Variants in RAB31 observed in about 807,000 individuals in gnomAD.
The protein encoded by RAB31 is ras-related protein Rab-31.
RAB31 carries 21 observed loss-of-function variants against 25.6 expected under a neutral mutation model. That is an observed-to-expected ratio of 0.82 (90% CI 0.58 to 1.18). RAB31 has a LOEUF of 1.18. Ranked by LOEUF, RAB31 falls within the 50% of genes most tolerant of loss-of-function variation. The pLI is 0.00. For missense variants in RAB31, 196 were observed against 250.1 expected (o/e 0.78, Z 1.46); for synonymous variants, 87 against 84.0 (o/e 1.04, Z -0.20).
At chr18:9,726,239 T>C (rs2068095598) in intron 1 of RAB31, 1 of 152,210 alleles carries the variant, frequency 6.6e-6, no homozygotes. Context: ...TGTCAGTTTG[T>C]GAAATGTGAT....
At chr18:9,778,386 A>G (rs901514279) in intron 2 of RAB31, among the ~76,000 whole-genome samples, 4 of 152,178 alleles carry the variant, frequency 2.6e-5, no homozygotes, top group African/African-American at 9.7e-5. Flanking sequence ...TAAAAAACTT[A>G]TGTATTACAA....
intron 1 of RAB31, among the ~76,000 whole-genome samples, chr18:9,764,369 A>C (rs1480398272): frequency 6.6e-6 from 1 of 152,186 alleles, no homozygotes; most frequent in Non-Finnish European, 1.5e-5. Flanking sequence ...TCGTGCATGC[A>C]TTTGTGCGTG....
In RAB31 at chr18:9,777,213, C is replaced by T. The variant is rs973309673; in HGVS notation, c.119+1856C>T. 1.2e-4 allele frequency among the ~76,000 whole-genome samples: 18 copies of T among 152,056 alleles called. No individual in the cohort carries two copies. In the East Asian group the frequency reaches 1.9e-3, roughly 16 times the overall value. ...AAAATTAACCAGATGTGGTGGCACG[C>T]GCCTATAGTCCCAGCTACTCGGAAG... On this transcript the variant is annotated intron_variant, in intron 2 of 6. Coordinates refer to ENST00000578921, the MANE Select transcript of RAB31 (RefSeq NM_006868.4).
At chr18:9,772,617 G>A (rs2068351057) in intron 1 of RAB31, among the ~76,000 whole-genome samples, 1 of 152,226 alleles carries the variant, frequency 6.6e-6, no homozygotes, top group African/African-American at 2.4e-5. Context: ...ACGATTGAAT[G>A]GAATAGCCCT....
chr18:9,802,739 G>T (rs1446194598), intron 3 of RAB31, among the ~76,000 whole-genome samples: 3 of 152,258 alleles, frequency 2.0e-5, no homozygotes, highest in Admixed American at 2.0e-4. Flanking sequence ...AGAGGGCTGG[G>T]ATGCACTGGC....
intron 1 of RAB31, among the ~76,000 whole-genome samples, chr18:9,737,101 A>G (rs930937642): frequency 5.3e-5 from 8 of 152,162 alleles, no homozygotes; most frequent in Admixed American, 5.2e-4. Flanking sequence ...TGCCAAGGTG[A>G]CTCAGCTTTA....
chr18:9,858,652 A>G (rs987728697), intron 6 of RAB31, among the ~76,000 whole-genome samples: 1 of 152,232 alleles, frequency 6.6e-6, no homozygotes, highest in Non-Finnish European at 1.5e-5. Flanking sequence ...ACATTAAAAT[A>G]CTGTTTCCTA....
rs576548056 is a variant in RAB31, at chr18:9,708,822, G to A, written c.39+378G>A. On this transcript the variant is annotated intron_variant, in intron 1 of 6. Coordinates refer to ENST00000578921, the MANE Select transcript of RAB31 (RefSeq NM_006868.4). The surrounding 1 kb of genome is among the most constrained non-coding windows in gnomAD (Gnocchi z 6.4). Reference sequence around the variant, plus strand: ...CGCGGCGACCTCGCGGGGACCCCCAGCGGGGACGGGGCAGTGGCGGCGAGT... The same window carrying A: ...CGCGGCGACCTCGCGGGGACCCCCAACGGGGACGGGGCAGTGGCGGCGAGT... Among the ~76,000 whole-genome samples the A allele has an allele frequency of 3.9e-5, 6 of 152,302 alleles. No homozygotes were observed. In the East Asian group the frequency reaches 1.2e-3, roughly 30 times the overall value.
chr18:9,778,032 C>G (rs191157616), intron 2 of RAB31, among the ~76,000 whole-genome samples: 1 of 151,980 alleles, frequency 6.6e-6, no homozygotes, highest in Non-Finnish European at 1.5e-5. Context: ...GGATTACAGG[C>G]GTGAGCCACT....
chr18:9,768,931 A>T (rs1203934365), intron 1 of RAB31, among the ~76,000 whole-genome samples: 1 of 152,106 alleles, frequency 6.6e-6, no homozygotes, highest in Admixed American at 6.5e-5. Context: ...AGTTTTCCCA[A>T]CACCATTTAT....
intron 1 of RAB31, among the ~76,000 whole-genome samples, chr18:9,730,094 G>A (rs1001658349): frequency 1.6e-4 from 24 of 152,112 alleles, no homozygotes; most frequent in African/African-American, 5.3e-4. Context: ...CAGATACAAC[G>A]AAATCCAGCT....
intron 1 of RAB31, among the ~76,000 whole-genome samples, chr18:9,733,336 C>T (rs369889988): frequency 2.6e-5 from 4 of 152,194 alleles, no homozygotes; most frequent in East Asian, 3.9e-4. Context: ...TAGAACCATC[C>T]GACGTGTGCA....
chr18:9,845,292 AATG>A (rs1259660288), intron 5 of RAB31, among the ~76,000 whole-genome samples: 2 of 152,208 alleles, frequency 1.3e-5, no homozygotes, highest in Non-Finnish European at 2.9e-5. Context: ...TGAAAGCTGA[AATG>A]TGTACTGCCA....
chr18:9,830,353 C>T (rs1181700519), intron 5 of RAB31: 3 of 152,150 alleles, frequency 2.0e-5, no homozygotes, highest in Non-Finnish European at 4.4e-5. Flanking sequence ...TGCCATGTTG[C>T]CCAGGCTGGA....
rs371127102 is a variant in RAB31 at position 9,859,288 on chromosome 18, A to G, written c.551A>G (p.Glu184Gly). Residue 184 changes from glutamate to glycine, a missense_variant, in exon 7 of 7, where the codon GAG (glutamate) becomes GGG (glycine). Physicochemically the swap from Glu to Gly is moderately conservative, Grantham distance 98. Coordinates refer to ENST00000578921, the MANE Select transcript of RAB31 (RefSeq NM_006868.4). ...GGAAACAATGGAACAATCAAAGTTG[A>G]GAAGCCAACCATGCAAGCCAGCCGC... is the stretch of plus-strand genomic sequence containing the variant. ...ENGNNGTIKVEKPTMQASRRC... is the reference protein window; with the variant it reads ...ENGNNGTIKVGKPTMQASRRC... 4.8e-5 allele frequency: 78 copies of G among 1,613,758 alleles called. No individual in the cohort carries two copies. The highest frequency in any genetic ancestry group is 6.2e-5 in the Non-Finnish European group (73 of 1,179,824).
chr18:9,820,351 A>G (rs1360600191), intron 5 of RAB31, among the ~76,000 whole-genome samples: 3 of 152,210 alleles, frequency 2.0e-5, no homozygotes, highest in East Asian at 3.9e-4. Flanking sequence ...GGGATAAATC[A>G]CACTTGGTCA....
chr18:9,749,682 T>C lies in RAB31; in HGVS notation c.40-25596T>C, dbSNP rs534109787. On this transcript the variant is annotated intron_variant, in intron 1 of 6. Coordinates refer to ENST00000578921, the MANE Select transcript of RAB31 (RefSeq NM_006868.4). ...ACCAAGAAGACTGAAACAGTTATGA[T>C]TGAGGTTTGCAGAATTGTTCCCATG... 4.6e-5 allele frequency among the ~76,000 whole-genome samples: 7 copies of C among 152,306 alleles called. No individual in the cohort carries two copies. The South Asian group carries it at 1.5e-3, about 32-fold the overall frequency.
chr18:9,752,059 A>C (rs1463332735), intron 1 of RAB31, among the ~76,000 whole-genome samples: 2 of 151,668 alleles, frequency 1.3e-5, no homozygotes, highest in Non-Finnish European at 2.9e-5. Flanking sequence ...CGCCTTGCTG[A>C]CTCTCCTGTA....
chr18:9,727,135 AGATGGGCTGGGTAGGC>A (rs1325929721), intron 1 of RAB31, among the ~76,000 whole-genome samples: 24 of 152,054 alleles, frequency 1.6e-4, no homozygotes, highest in African/African-American at 5.8e-4. Flanking sequence ...TGGCCTGGGG[AGATGGGCTGGGTAGGC>A]TGTGGCCCTT....
Sources: allele counts gnomAD v4.1 joint callset (sites outside exome capture counted in the v4.1 genomes callset), GRCh38; gene constraint gnomAD v4.1.1; non-coding constraint Gnocchi (gnomAD v3.1); transcripts MANE v1.5; gene names NCBI Gene and HGNC (gene_info 2026-07-23, HGNC 2026-07-21).